DCAF5: variants seen among roughly 807,000 people sequenced by gnomAD.
The protein encoded by DCAF5 is DDB1- and CUL4-associated factor 5.
In DCAF5, 9 loss-of-function variants were observed where a neutral mutation model predicts 80.7. The ratio of observed to expected loss-of-function variants is 0.11; its 90% CI spans 0.07 to 0.19. The LOEUF is 0.19. Ranked by LOEUF, DCAF5 falls within the 10% of genes least tolerant of loss-of-function variation. DCAF5 has a pLI of 1.00. For synonymous variants in DCAF5, 433 were observed against 461.9 expected, an observed-to-expected ratio of 0.94 and a Z score of 0.80; for missense variants, 842 against 1,205.7, an observed-to-expected ratio of 0.70 and a Z score of 4.47.
intron 6 of DCAF5, chr14:69,089,672 C>A (rs1167378580): frequency 6.6e-6 from 1 of 152,356 alleles, no homozygotes. Flanking sequence ...CTGCCTATGA[C>A]AATACCTGCC....
At chr14:69,121,930 T>A (rs149216836) in intron 2 of DCAF5, among the ~76,000 whole-genome samples, 1 of 152,250 alleles carries the variant, frequency 6.6e-6, no homozygotes, top group African/African-American at 2.4e-5. Context: ...AATATGTGTG[T>A]GTGTCTGTGT....
rs1184080703 is a variant in DCAF5, at chr14:69,093,204, T to C, written c.666-1317A>G. 2.0e-5 allele frequency among the ~76,000 whole-genome samples: 3 copies of C among 152,242 alleles called. No homozygotes were observed. The East Asian group carries it at 5.8e-4, about 29-fold the overall frequency. On this transcript the variant is annotated intron_variant, in intron 5 of 8. Coordinates refer to ENST00000341516, the MANE Select transcript of DCAF5 (RefSeq NM_003861.3). Reference sequence around the variant, plus strand: ...AGTTTTATTTTGTATGTTGGGTTAATTTTTGGAGCACTGAATTACTGGCAG... The same window carrying C: ...AGTTTTATTTTGTATGTTGGGTTAACTTTTGGAGCACTGAATTACTGGCAG...
intron 6 of DCAF5, among the ~76,000 whole-genome samples, chr14:69,088,504 A>G (rs1566743141): frequency 6.6e-6 from 1 of 152,230 alleles, no homozygotes; most frequent in Non-Finnish European, 1.5e-5. Context: ...CTAATGAATT[A>G]CCTAGTGAAC....
At chr14:69,065,094 C>T (rs1478154768) in intron 7 of DCAF5, among the ~76,000 whole-genome samples, 5 of 77,298 alleles carry the variant, frequency 6.5e-5, no homozygotes, top group African/African-American at 1.9e-4. Flanking sequence ...GCAATATGAC[C>T]TCTTTTTTTT....
At position 69,054,824 on chromosome 14, in the gene DCAF5, T is replaced by C. The variant is rs763257853; in HGVS notation, c.1862A>G (p.Lys621Arg). 1 of 1,614,220 alleles carries C rather than the reference T, an allele frequency of 6.2e-7. No homozygotes were observed. Among genetic ancestry groups the C allele is most frequent in the African/African-American group, 1.3e-5 (1 of 75,052 alleles). ...TGGGGAGGAGGAGAGGTCATCCACTTTGATCTGGGGGTAATCATAGTTGTC... is the reference window on the plus strand; with the variant it reads ...TGGGGAGGAGGAGAGGTCATCCACTCTGATCTGGGGGTAATCATAGTTGTC... ...GEDNYDYPQIKVDDLSSSPTS... is the reference protein window; with the variant it reads ...GEDNYDYPQIRVDDLSSSPTS... Residue 621 changes from lysine (K) to arginine (R), a missense_variant, in exon 9 of 9, where the codon AAA (lysine) becomes AGA (arginine). Around this residue, in one of 5 missense-constraint regions of DCAF5, gnomAD observed 607 missense variants for 656.6 expected, o/e 0.92. Transcript: ENST00000341516.
At chr14:69,150,998 C>T (rs1275417) in intron 1 of DCAF5, among the ~76,000 whole-genome samples, 110,041 of 152,080 alleles carry the variant, frequency 0.72, 40,031 homozygotes, top group East Asian at 0.97. Context: ...TACCCCCAAA[C>T]TCCCTCACTC....
Position 69,054,350 on chromosome 14 carries a change from T to C in DCAF5, c.2336A>G (p.Lys779Arg). 1 of 1,614,174 alleles carries C rather than the reference T, an allele frequency of 6.2e-7. No individual in the cohort carries two copies. The highest frequency in any genetic ancestry group is 1.1e-5 in the South Asian group (1 of 91,082). The stretch of plus-strand genomic sequence containing the variant: ...ACTGCTCAGGGCCTTTCCATTGAGC[T>C]TCTTGGTTTCAAAAGGGTGCTCTAC... The part of the protein sequence containing the change: ...GSVEHPFETK[K>R]LNGKALSSRA... The change falls in exon 9 of 9, where the codon AAG becomes AGG. Residue 779 changes from lysine to arginine, a missense_variant. Lys to Arg is a conservative substitution (Grantham distance 26). Transcript: ENST00000341516.
At chr14:69,139,638 A>AC (rs1164031381) in intron 1 of DCAF5, among the ~76,000 whole-genome samples, 5 of 151,796 alleles carry the variant, frequency 3.3e-5, no homozygotes, top group Non-Finnish European at 2.9e-5. Context: ...ACATGGTGAG[A>AC]CCCCGTCTCT....
chr14:69,147,566 C>G (rs1282079055), intron 1 of DCAF5, among the ~76,000 whole-genome samples: 2 of 152,152 alleles, frequency 1.3e-5, no homozygotes, highest in African/African-American at 4.8e-5. Context: ...CCCAGGCAGT[C>G]TGACTTCAGA....
chr14:69,143,472 T>G (rs2140119394), intron 1 of DCAF5, among the ~76,000 whole-genome samples: 1 of 151,832 alleles, frequency 6.6e-6, no homozygotes, highest in East Asian at 1.9e-4. Flanking sequence ...GTGTTACATA[T>G]GCCTGGCACA....
intron 1 of DCAF5, among the ~76,000 whole-genome samples, chr14:69,144,407 C>T (rs1367642178): frequency 1.3e-5 from 2 of 151,928 alleles, no homozygotes; most frequent in Non-Finnish European, 2.9e-5. Flanking sequence ...CCCGTCTCTA[C>T]TAAAAATACA....
chr14:69,148,030 A>G (rs552494545), intron 1 of DCAF5, among the ~76,000 whole-genome samples: 1 of 151,608 alleles, frequency 6.6e-6, no homozygotes, highest in Non-Finnish European at 1.5e-5. Context: ...TAACAATCCA[A>G]GTCAAATGCA....
intron 1 of DCAF5, among the ~76,000 whole-genome samples, chr14:69,151,901 G>A (rs2041717608): frequency 6.6e-6 from 1 of 152,208 alleles, no homozygotes; most frequent in Non-Finnish European, 1.5e-5. Context: ...AAACCAGAGG[G>A]AGAGCCCGGG....
At chr14:69,067,184 G>T (rs527709868) in intron 7 of DCAF5, among the ~76,000 whole-genome samples, 123 of 152,142 alleles carry the variant, frequency 8.1e-4, no homozygotes, top group African/African-American at 2.8e-3. Flanking sequence ...CTAGCACATA[G>T]TAAGGTTTTT....
chr14:69,055,203 C>A lies in DCAF5; in HGVS notation c.1483G>T (p.Ala495Ser). 1 of 1,614,178 alleles carries A rather than the reference C, an allele frequency of 6.2e-7. No homozygotes were observed. The highest frequency in any genetic ancestry group is 8.5e-7 in the Non-Finnish European group (1 of 1,180,040). ...PLRVTTTNTV[A>S]STPPTPTCED... ...CACGTGGGTGTTGGTGGAGTTGAGG[C>A]TACTGTGTTTGTGGTGGTGACCCGC... Residue 495 changes from alanine (A) to serine (S), a missense_variant, in exon 9 of 9, where the codon GCC becomes TCC. Around this residue, in one of 5 missense-constraint regions of DCAF5, gnomAD observed 607 missense variants for 656.6 expected, o/e 0.92. Coordinates refer to ENST00000341516, the MANE Select transcript of DCAF5 (RefSeq NM_003861.3). This position sits in a 1 kb window ranked among gnomAD's most constrained non-coding sequence, Gnocchi z 5.6.
chr14:69,143,823 C>T (rs1486772219), intron 1 of DCAF5: 1 of 152,118 alleles, frequency 6.6e-6, no homozygotes, highest in East Asian at 1.9e-4. Context: ...TCTTTTTTCA[C>T]CCCTAGAATT....
At chr14:69,092,697 T>G (rs2039574388) in intron 5 of DCAF5, among the ~76,000 whole-genome samples, 1 of 152,206 alleles carries the variant, frequency 6.6e-6, no homozygotes, top group Admixed American at 6.5e-5. Context: ...TTTGAATTTT[T>G]AATCTGTTCA....
At chr14:69,073,349 C>T (rs2038774295) in intron 7 of DCAF5, among the ~76,000 whole-genome samples, 1 of 152,136 alleles carries the variant, frequency 6.6e-6, no homozygotes, top group Admixed American at 6.6e-5. Context: ...TCGAGAGAAA[C>T]CAAACCTGCC....
intron 7 of DCAF5, among the ~76,000 whole-genome samples, chr14:69,063,377 A>G (rs1264942872): frequency 6.6e-6 from 1 of 152,238 alleles, no homozygotes. Flanking sequence ...TCCAGAACAC[A>G]TGCACATAAA....
Sources: gnomAD v4.1 joint callset for allele counts (sites outside exome capture counted in the v4.1 genomes callset) on GRCh38, gnomAD v4.1.1 for gene constraint, gnomAD v4.1.1 regional missense constraint, Gnocchi (gnomAD v3.1) non-coding constraint, MANE v1.5 for transcripts, NCBI Gene and HGNC (gene_info 2026-07-23, HGNC 2026-07-21) for gene names.